The following PRXL2C variants were observed in gnomAD, a reference collection of about 807,000 sequenced individuals.
PRXL2C encodes the protein peroxiredoxin like 2C.
In PRXL2C, 38 loss-of-function variants were observed where a neutral mutation model predicts 24.9. The ratio of observed to expected loss-of-function variants is 1.53; its 90% CI spans 1.18 to 2.00. The LOEUF is 2.00. Ranked by LOEUF, PRXL2C falls within the 30% of genes most tolerant of loss-of-function variation. The probability of loss-of-function intolerance (pLI) is 0.00; values close to 1 mark genes in which losing one functional copy is unlikely to be tolerated. For missense variants in PRXL2C, 294 were observed against 290.9 expected (o/e 1.01, Z -0.08); for synonymous variants, 98 against 117.2 (o/e 0.84, Z 1.06).
chr9:96,654,651 C>A (rs941454215), intron 2 of PRXL2C, 54 bp downstream of exon 2: 3 of 1,518,098 alleles, frequency 2.0e-6, no homozygotes, highest in Non-Finnish European at 2.7e-6. Context: ...TCCCCCGCCC[C>A]GCTCGCAAGG....
chr9:96,639,748 A>G lies in PRXL2C; in HGVS notation c.*2011T>C, dbSNP rs1456265967. On this transcript the variant is annotated 3_prime_UTR_variant, in exon 6 of 6. Coordinates refer to ENST00000375234, the MANE Select transcript of PRXL2C (RefSeq NM_153698.2). ...TCATTACCAAAATTCTGATTTTGCT[A>G]TACTTTTCATCAGGATTTCTGGGAC... 2.6e-5 allele frequency: 4 copies of G among 152,276 alleles called. No homozygotes were observed. The East Asian group carries it at 5.8e-4, about 22-fold the overall frequency. The allele number at this position is 152,276 out of a possible 1,614,324, so 9.4% of individuals were successfully genotyped here.
intron 5 of PRXL2C, among the ~76,000 whole-genome samples, chr9:96,644,881 CTTTTTTTTTTTTTTTTTTTTTTT>C (rs530343244): frequency 2.5e-4 from 9 of 36,672 alleles, no homozygotes; most frequent in Non-Finnish European, 5.9e-4. Context: ...TACATGGATT[CTTTTTTTTTTTTTTTTTTTTTTT>C]TTTTTTTTTT....
In PRXL2C at chr9:96,639,947, G is replaced by A. The variant is rs2119163949; in HGVS notation, c.*1812C>T. On this transcript the variant is annotated 3_prime_UTR_variant, in exon 6 of 6. Transcript: ENST00000375234. ...ATCTTTACTAAAAAATAGAAACTTA[G>A]CCAGGCATGGTGGCGCATGCCTGTA... 6.6e-6 allele frequency: 1 copy of A among 151,972 alleles called. No individual in the cohort carries two copies. The highest frequency in any genetic ancestry group is 2.0e-4 in the East Asian group (1 of 5,126). The allele number at this position is 151,972 out of a possible 1,614,324, so 9.4% of individuals were successfully genotyped here.
intron 4 of PRXL2C, 114 bp from the exon 5 acceptor site, chr9:96,646,138 C>T: frequency 8.5e-7 from 1 of 1,181,394 alleles, no homozygotes; most frequent in Non-Finnish European, 1.2e-6. Context: ...GTTTCTCAAT[C>T]TTTTACCATC....
chr9:96,642,925 A>G (rs1848138736), intron 5 of PRXL2C, among the ~76,000 whole-genome samples: 1 of 152,200 alleles, frequency 6.6e-6, no homozygotes, highest in Non-Finnish European at 1.5e-5. Context: ...GATTGAAAAT[A>G]TTCAGAAAAA....
chr9:96,655,024 T>G, intron 1 of PRXL2C, 66 bp downstream of exon 1: 1 of 1,409,522 alleles, frequency 7.1e-7, no homozygotes, highest in Non-Finnish European at 9.2e-7. Flanking sequence ...GAGGCGCGGC[T>G]CGCATCCCGG....
chr9:96,646,091 T>C, intron 4 of PRXL2C, 67 bp from the exon 5 acceptor site: 5 of 1,461,724 alleles, frequency 3.4e-6, no homozygotes, highest in Non-Finnish European at 4.6e-6. Context: ...AGATAATGTA[T>C]TTCTAGAAAA....
chr9:96,645,747 A>G, intron 5 of PRXL2C, 146 bp downstream of exon 5: 1 of 881,452 alleles, frequency 1.1e-6, no homozygotes, highest in Non-Finnish European at 1.6e-6. Context: ...CAGTGAGCCG[A>G]GATTGCGCCA....
At chr9:96,645,784 G>C in intron 5 of PRXL2C, 109 bp downstream of exon 5, 1 of 1,288,746 alleles carries the variant, frequency 7.8e-7, no homozygotes, top group South Asian at 1.5e-5. Flanking sequence ...GCGACAGAGC[G>C]AGACTCCCTC....
rs994896435 is a variant in PRXL2C at position 96,651,330 on chromosome 9, T to G, written c.421+60A>C. The G allele has an allele frequency of 1.2e-5, 15 of 1,231,640 alleles. No homozygotes were observed. The Admixed American group carries it at 1.7e-4, about 14-fold the overall frequency. 76.3% of individuals were successfully genotyped at this position (1,231,640 alleles called of 1,614,324 possible). On this transcript the variant is annotated intron_variant, in intron 4 of 5. Transcript: ENST00000375234. ...AATTGACCATGTTTCCCTATGCATA[T>G]ATACACAAATATGAACATACACCAC...
intron 4 of PRXL2C, 73 bp from the exon 5 acceptor site, chr9:96,646,097 G>T (rs2119178825): frequency 7.0e-7 from 1 of 1,425,956 alleles, no homozygotes; most frequent in Non-Finnish European, 9.5e-7. Context: ...TGTATTTCTA[G>T]AAAACATTCT....
intron 3 of PRXL2C, 68 bp from the exon 4 acceptor site, chr9:96,651,563 C>A: frequency 6.4e-7 from 1 of 1,550,798 alleles, no homozygotes; most frequent in East Asian, 2.2e-5. Context: ...ACTCTAACTT[C>A]AGCCAACTTA....
intron 1 of PRXL2C, 55 bp from the exon 2 acceptor site, chr9:96,654,828 C>G: frequency 6.6e-7 from 1 of 1,504,676 alleles, no homozygotes; most frequent in Non-Finnish European, 9.0e-7. Context: ...CCTCGGGCCC[C>G]GAAGGATCCC....
intron 3 of PRXL2C, 30 bp from the exon 4 acceptor site, chr9:96,651,525 C>A (rs1263221823): frequency 2.5e-6 from 4 of 1,589,274 alleles, no homozygotes; most frequent in Non-Finnish European, 1.7e-6. Context: ...GGAATTTTTA[C>A]AAGAACAAAT....
At chr9:96,641,943 C>A in intron 5 of PRXL2C, 57 bp from the exon 6 acceptor site, 1 of 1,356,520 alleles carries the variant, frequency 7.4e-7, no homozygotes, top group South Asian at 2.2e-5. Flanking sequence ...AGATTTACTG[C>A]TTACTAAAAT....
intron 2 of PRXL2C, among the ~76,000 whole-genome samples, chr9:96,654,482 GCAA>G (rs1489645991): frequency 2.0e-5 from 3 of 152,208 alleles, no homozygotes; most frequent in Non-Finnish European, 4.4e-5. Flanking sequence ...AGGTTACCAG[GCAA>G]CACCACAATT....
chr9:96,653,840 GTTT>G (rs532978133), intron 2 of PRXL2C, among the ~76,000 whole-genome samples: 1 of 147,026 alleles, frequency 6.8e-6, no homozygotes, highest in East Asian at 2.0e-4. Context: ...CTGTAGCACA[GTTT>G]TTTTTTTTTC....
intron 2 of PRXL2C, among the ~76,000 whole-genome samples, chr9:96,653,470 G>A (rs1188337741): frequency 2.0e-5 from 3 of 152,138 alleles, no homozygotes; most frequent in Non-Finnish European, 2.9e-5. Flanking sequence ...GGTGATCAAA[G>A]GGTACAAAGT....
rs762987705 is a variant in PRXL2C at position 96,655,241 on chromosome 9, G to A, written c.41C>T (p.Ala14Val). 3 of 1,128,460 alleles carry A rather than the reference G, an allele frequency of 2.7e-6. No individual in the cohort carries two copies. The highest frequency in any genetic ancestry group is 3.2e-6 in the Non-Finnish European group (3 of 923,084). 69.9% of individuals were successfully genotyped at this position (1,128,460 alleles called of 1,614,324 possible). A position where few individuals can be genotyped will look rare whatever the true frequency, so the allele number is the denominator to read the frequency against. The change falls in exon 1 of 6, where the codon GCC (alanine) becomes GTC (valine). Residue 14 changes from alanine (A) to valine (V), a missense_variant. Transcript: ENST00000375234. ...GCTCGGGGCCGGGACCAGGGCGGCG[G>A]CGCCGCTAACCTGCCGCGTGACCGG... ...PAPVTRQVSG[A>V]AALVPAPSGP...
Sources: gnomAD v4.1 joint callset for allele counts (sites outside exome capture counted in the v4.1 genomes callset) on GRCh38, gnomAD v4.1.1 for gene constraint, MANE v1.5 for transcripts, NCBI Gene and HGNC (gene_info 2026-07-23, HGNC 2026-07-21) for gene names.